Variants in FAM120B observed in about 807,000 individuals in gnomAD.
FAM120B encodes the protein constitutive coactivator of peroxisome proliferator-activated receptor gamma.
Under a neutral mutation model 96.3 loss-of-function variants are expected in FAM120B, and 83 were observed. The ratio of observed to expected loss-of-function variants is 0.86; its 90% CI spans 0.72 to 1.03. The LOEUF is 1.03. FAM120B is among the 50% of genes least tolerant of loss of function. The probability of loss-of-function intolerance (pLI) is 0.00; values close to 1 mark genes in which losing one functional copy is unlikely to be tolerated. For missense variants in FAM120B, 1,027 were observed against 1,121.2 expected, an observed-to-expected ratio of 0.92 and a Z score of 1.20; for synonymous variants, 407 against 402.7, an observed-to-expected ratio of 1.01 and a Z score of -0.13.
At chr6:170,368,826 G>GGC (rs1554287962) in intron 6 of FAM120B, among the ~76,000 whole-genome samples, 2 of 149,604 alleles carry the variant, frequency 1.3e-5, no homozygotes, top group African/African-American at 2.5e-5. Context: ...GGGCTGGGGG[G>GGC]GGGGCTCCCT....
intron 6 of FAM120B, among the ~76,000 whole-genome samples, chr6:170,386,672 G>A (rs1455157635): frequency 5.9e-5 from 9 of 152,292 alleles, no homozygotes; most frequent in Non-Finnish European, 1.3e-4. Flanking sequence ...TCCAGACACC[G>A]AAGGAGGAAC....
intron 6 of FAM120B, among the ~76,000 whole-genome samples, chr6:170,375,762 C>A (rs1231629077): frequency 6.6e-6 from 1 of 152,116 alleles, no homozygotes; most frequent in Admixed American, 6.5e-5. Context: ...ATAGGAGACG[C>A]ACAGGGCACG....
intron 7 of FAM120B, among the ~76,000 whole-genome samples, chr6:170,390,615 C>G (rs1790433162): frequency 6.6e-6 from 1 of 151,944 alleles, no homozygotes; most frequent in South Asian, 2.1e-4. Flanking sequence ...CTGACGTTGG[C>G]ATTTCTGCTG....
chr6:170,338,454 T>C (rs1429354119), intron 4 of FAM120B, among the ~76,000 whole-genome samples: 1 of 152,218 alleles, frequency 6.6e-6, no homozygotes, highest in Non-Finnish European at 1.5e-5. Context: ...CTTCCATTTA[T>C]GTGGTTGATT....
Position 170,317,865 on chromosome 6 carries a change from G to A in FAM120B, c.475G>A (p.Ala159Thr). 8 of 1,614,242 alleles carry A rather than the reference G, an allele frequency of 5.0e-6. No individual in the cohort carries two copies. Among genetic ancestry groups the A allele is most frequent in the Admixed American group, 1.7e-5 (1 of 60,024 alleles). ...GQETLCSLQE[A>T]DYEVASYGLQ... The stretch of plus-strand genomic sequence containing the variant: ...GGAAACTTTGTGTTCTTTGCAGGAA[G>A]CAGATTATGAGGTAGCTTCCTATGG... The change falls in exon 2 of 11, where the codon GCA (alanine) becomes ACA (threonine). Residue 159 changes from alanine to threonine, a missense_variant. Transcript: ENST00000476287.
Position 170,317,957 on chromosome 6 carries a change from C to G in FAM120B, c.567C>G (p.Pro189=). 1 of 1,614,028 alleles carries G rather than the reference C, an allele frequency of 6.2e-7. No homozygotes were observed. Among genetic ancestry groups the G allele is most frequent in the Non-Finnish European group, 8.5e-7 (1 of 1,179,924 alleles). ...ATTACCTAATCTATGACACTTGTCC[C>G]TACTTTTCAATTAGCGAGCTCTGCC... ...DTDYLIYDTC[P]YFSISELCLE... is the part of the protein sequence containing the mutation. The change falls in exon 2 of 11, where the codon CCC becomes CCG. Residue 189 remains proline (P), a synonymous_variant. Coordinates refer to ENST00000476287, the MANE Select transcript of FAM120B (RefSeq NM_032448.3).
intron 1 of FAM120B, among the ~76,000 whole-genome samples, chr6:170,307,102 T>TC (rs779498290): frequency 6.6e-6 from 1 of 152,332 alleles, no homozygotes. Flanking sequence ...CATTGCGTGC[T>TC]CCCCGACCTC....
At chr6:170,361,186 ATATATATACGTG>A (rs1363028043) in intron 6 of FAM120B, among the ~76,000 whole-genome samples, 8 of 113,676 alleles carry the variant, frequency 7.0e-5, no homozygotes, top group East Asian at 3.5e-4. Context: ...TTAAAACTAT[ATATATATACGTG>A]TATATATATA....
chr6:170,348,113 C>T (rs1011292196), intron 4 of FAM120B, 38 bp from the exon 5 acceptor site: 49 of 1,557,970 alleles, frequency 3.1e-5, no homozygotes, highest in Non-Finnish European at 4.0e-5. Flanking sequence ...CTCTGTGCTG[C>T]AAAGAACAAT....
chr6:170,354,768 GA>G (rs59093113), intron 5 of FAM120B, among the ~76,000 whole-genome samples: 45,917 of 146,858 alleles, frequency 0.31, 8,458 homozygotes, highest in East Asian at 0.9. Context: ...CAAAAAAAAA[GA>G]AAAAAAAAAA....
At chr6:170,387,319 C>A (rs1005974626) in intron 6 of FAM120B, among the ~76,000 whole-genome samples, 4 of 152,246 alleles carry the variant, frequency 2.6e-5, no homozygotes, top group Non-Finnish European at 5.9e-5. Flanking sequence ...GAAGCCTTAA[C>A]TTCTAAAGGA....
At chr6:170,344,750 A>C (rs181802807) in intron 4 of FAM120B, among the ~76,000 whole-genome samples, 8 of 152,070 alleles carry the variant, frequency 5.3e-5, no homozygotes, top group Admixed American at 5.2e-4. Flanking sequence ...TTCCCTTTAC[A>C]TTCCCCCAGT....
intron 2 of FAM120B, among the ~76,000 whole-genome samples, chr6:170,321,490 G>T (rs1047456862): frequency 6.6e-6 from 1 of 152,154 alleles, no homozygotes; most frequent in African/African-American, 2.4e-5. Context: ...CAATTCTCCT[G>T]CCTCAGCCTC....
At chr6:170,387,173 G>T (rs971529260) in intron 6 of FAM120B, among the ~76,000 whole-genome samples, 9 of 152,048 alleles carry the variant, frequency 5.9e-5, no homozygotes, top group Admixed American at 6.6e-5. Flanking sequence ...AAAAAGTGTC[G>T]CACAGCACTA....
At chr6:170,305,332 C>T (rs1784245465), upstream of FAM120B, among the ~76,000 whole-genome samples, 1 of 152,210 alleles carries the variant, frequency 6.6e-6, no homozygotes, top group Non-Finnish European at 1.5e-5. Context: ...CAGCACTAAT[C>T]AGCAATAGGT....
intron 5 of FAM120B, among the ~76,000 whole-genome samples, chr6:170,350,431 G>A (rs932519811): frequency 1.3e-5 from 2 of 152,182 alleles, no homozygotes; most frequent in Admixed American, 1.3e-4. Flanking sequence ...CTCCAGTGCA[G>A]CACATTGGCT....
rs1785059361 is a variant in FAM120B at position 170,318,515 on chromosome 6, A to G, written c.1125A>G (p.Gln375=). 8 of 1,580,152 alleles carry G rather than the reference A, an allele frequency of 5.1e-6. No individual in the cohort carries two copies. The highest frequency in any genetic ancestry group is 6.9e-6 in the Non-Finnish European group (8 of 1,160,668). Residue 375 remains glutamine, a synonymous_variant, in exon 2 of 11, where the codon CAA becomes CAG. Coordinates refer to ENST00000476287, the MANE Select transcript of FAM120B (RefSeq NM_032448.3). ...TGTATACAGATTCTGAACCCAGGCA[A>G]GAAGTTCCCATGTGTTCAGACCCTG... The part of the protein sequence containing the change: ...VPVYTDSEPR[Q]EVPMCSDPEP...
At position 170,295,588 on chromosome 6, in the gene FAM120B, C is replaced by A; in HGVS notation, c.48+135C>A. ...ACGGTGGGGGCACAAGAACAGCAGC[C>A]GGGGGCGAAGGAATCAGCCCCGCAG... is the stretch of plus-strand genomic sequence containing the variant. On this transcript the variant is annotated intron_variant, in intron 1 of 10. Transcript: ENST00000537664. This position sits in a 1 kb window ranked among gnomAD's most constrained non-coding sequence, Gnocchi z 7.8. 1 of 549,608 alleles carries A rather than the reference C, an allele frequency of 1.8e-6. No individual in the cohort carries two copies. The highest frequency in any genetic ancestry group is 3.2e-6 in the Non-Finnish European group (1 of 315,282). 34.0% of individuals were successfully genotyped at this position (549,608 alleles called of 1,614,324 possible). A position where few individuals can be genotyped will look rare whatever the true frequency, so the allele number is the denominator to read the frequency against.
chr6:170,399,808 T>A (rs1778447009), intron 9 of FAM120B, among the ~76,000 whole-genome samples: 1 of 139,810 alleles, frequency 7.2e-6, no homozygotes, highest in East Asian at 3.9e-4. Flanking sequence ...GGTAGAACTA[T>A]GTCATAAGCC....
Sources: allele counts gnomAD v4.1 joint callset (sites outside exome capture counted in the v4.1 genomes callset), GRCh38; gene constraint gnomAD v4.1.1; non-coding constraint Gnocchi (gnomAD v3.1); transcripts MANE v1.5; gene names NCBI Gene and HGNC (gene_info 2026-07-23, HGNC 2026-07-21).